Variants in MPND observed in about 807,000 individuals in gnomAD.
The protein encoded by MPND is MPN domain-containing protein.
In MPND, 56 loss-of-function variants were observed where a neutral mutation model predicts 59.2. The ratio of observed to expected loss-of-function variants is 0.95; its 90% confidence interval spans 0.76 to 1.18. The LOEUF (loss-of-function observed/expected upper bound fraction) is 1.18. Ranked by LOEUF, MPND falls within the 50% of genes most tolerant of loss-of-function variation. The pLI, the probability that MPND is intolerant of heterozygous loss-of-function variation, is 0.00. For synonymous variants in MPND, 323 were observed against 291.9 expected (o/e 1.11, Z -1.09); for missense variants, 671 against 676.0 (o/e 0.99, Z 0.08).
intron 8 of MPND, among the ~76,000 whole-genome samples, 162 bp downstream of exon 8, chr19:4,355,335 G>GCTT (rs1972413900): frequency 1.2e-5 from 1 of 84,196 alleles, no homozygotes; most frequent in African/African-American, 4.8e-5. Flanking sequence ...GAAGAACACT[G>GCTT]CTTTTTTTTT....
At chr19:4,359,029 GTGATC>G in intron 11 of MPND, 129 bp from the exon 12 acceptor site, 1 of 622,588 alleles carries the variant, frequency 1.6e-6, no homozygotes, top group Non-Finnish European at 2.9e-6. Context: ...AAGGTCACTC[GTGATC>G]TCTTTGTGGT....
intron 3 of MPND, among the ~76,000 whole-genome samples, chr19:4,352,321 T>C (rs1037322441): frequency 6.6e-6 from 1 of 152,224 alleles, no homozygotes; most frequent in Non-Finnish European, 1.5e-5. Context: ...ATGCTTAGCG[T>C]TCCAATAATG....
chr19:4,356,207 T>C (rs542512501), intron 8 of MPND, among the ~76,000 whole-genome samples: 1 of 151,918 alleles, frequency 6.6e-6, no homozygotes, highest in South Asian at 2.1e-4. Flanking sequence ...GCCAGCCCCC[T>C]CCCCTCTCAG....
intron 2 of MPND, among the ~76,000 whole-genome samples, 176 bp downstream of exon 2, chr19:4,344,170 C>T (rs1448388977): frequency 6.9e-6 from 1 of 145,884 alleles, no homozygotes; most frequent in Non-Finnish European, 1.5e-5. Flanking sequence ...CCCGGGGCTC[C>T]GTTGACTGCA....
At chr19:4,354,222 G>A in intron 5 of MPND, 93 bp downstream of exon 5, 1 of 1,506,268 alleles carries the variant, frequency 6.6e-7, no homozygotes, top group South Asian at 1.2e-5. Context: ...GGGTGGGACA[G>A]AGCCTCAGAT....
Position 4,360,028 on chromosome 19 carries a change from G to A in MPND, c.*26G>A. 2 of 1,544,140 alleles carry A rather than the reference G, an allele frequency of 1.3e-6. No homozygotes were observed. The highest frequency in any genetic ancestry group is 2.4e-5 in the South Asian group (2 of 83,922). On this transcript the variant is annotated 3_prime_UTR_variant, in exon 13 of 13. Transcript: ENST00000599840. ...GCCTTCCAGGGCAGGGTGGGCTCCA[G>A]TTGTCTTGAGGGTCCGGATGGGCTC...
Position 4,343,850 on chromosome 19 carries a change from C to A in MPND, c.150C>A (p.Ser50Arg). 8.4e-7 allele frequency: 1 copy of A among 1,192,828 alleles called. No individual in the cohort carries two copies. 73.9% of individuals were successfully genotyped at this position (1,192,828 alleles called of 1,614,324 possible). A position where few individuals can be genotyped will look rare whatever the true frequency, so the allele number is the denominator to read the frequency against. ...GTGGCGGCGGCGGCAGTAGCGTCAGCGGAGGAGGCGGCGGCGGCGGGGCCG... is the reference window on the plus strand; with the variant it reads ...GTGGCGGCGGCGGCAGTAGCGTCAGAGGAGGAGGCGGCGGCGGCGGGGCCG... ...GRSGGGGSSV[S>R]GGGGGGGAGA... The change falls in exon 2 of 13, where the codon AGC becomes AGA. Residue 50 changes from serine (S) to arginine (R), a missense_variant. Ser to Arg is a moderately radical substitution (Grantham distance 110, BLOSUM62 -1). Coordinates refer to ENST00000599840, the MANE Select transcript of MPND (RefSeq NM_001300862.2).
At chr19:4,355,336 C>T (rs866397461) in intron 8 of MPND, among the ~76,000 whole-genome samples, 163 bp downstream of exon 8, 3 of 124,454 alleles carry the variant, frequency 2.4e-5, no homozygotes, top group South Asian at 2.5e-4. Flanking sequence ...AAGAACACTG[C>T]TTTTTTTTTT....
At chr19:4,357,606 A>G in intron 10 of MPND, 21 bp downstream of exon 10, 1 of 1,597,904 alleles carries the variant, frequency 6.3e-7, no homozygotes, top group Non-Finnish European at 8.5e-7. Flanking sequence ...CTGTTGGGAG[A>G]GCCTGGGGGG....
chr19:4,344,489 G>A (rs1470914363), intron 2 of MPND, among the ~76,000 whole-genome samples: 1 of 152,168 alleles, frequency 6.6e-6, no homozygotes, highest in Non-Finnish European at 1.5e-5. Flanking sequence ...AGGCACAGAT[G>A]GGTCCTTCTG....
At chr19:4,354,255 G>A in intron 5 of MPND, 69 bp from the exon 6 acceptor site, 2 of 1,499,904 alleles carry the variant, frequency 1.3e-6, no homozygotes, top group Non-Finnish European at 1.8e-6. Flanking sequence ...GGGGTTGGGG[G>A]AGTCAGTGTG....
At position 4,343,611 on chromosome 19, in the gene MPND, CCCAG is replaced by C; in HGVS notation, c.7+13_7+16del. The stretch of plus-strand genomic sequence containing the variant: ...GCGCGGCCATGGCAGGTACGGCGGG[CCCAG>C]CGGGGCGGAGGCGCGGGGCGCGGGG... On this transcript the variant is annotated intron_variant, in intron 1 of 12. Coordinates refer to ENST00000599840, the MANE Select transcript of MPND (RefSeq NM_001300862.2). 8.3e-7 allele frequency: 1 copy of C among 1,206,124 alleles called. No homozygotes were observed. The highest frequency in any genetic ancestry group is 1.0e-6 in the Non-Finnish European group (1 of 968,936). The allele number at this position is 1,206,124 out of a possible 1,614,324, so 74.7% of individuals were successfully genotyped here.
rs772056393 is a variant in MPND, at chr19:4,357,402, C to T, written c.1146C>T (p.Pro382=). 5.6e-6 allele frequency: 9 copies of T among 1,612,568 alleles called. No individual in the cohort carries two copies. In the East Asian group the frequency reaches 1.1e-4, roughly 20 times the overall value. Reference sequence around the variant, plus strand: ...AGGGCTCCAGCAATGGCTTCCAGCCCTGCCTCGCCCTGCTCTGCTGTACGC... The same window carrying T: ...AGGGCTCCAGCAATGGCTTCCAGCCTTGCCTCGCCCTGCTCTGCTGTACGC... ...RLQGSSNGFQ[P]CLALLCSPYY... is the part of the protein sequence containing the mutation. The change falls in exon 9 of 13, where the codon CCC becomes CCT. Residue 382 remains proline, a synonymous_variant. Coordinates refer to ENST00000599840, the MANE Select transcript of MPND (RefSeq NM_001300862.2).
intron 4 of MPND, among the ~76,000 whole-genome samples, chr19:4,353,454 G>A (rs182793142): frequency 2.9e-4 from 44 of 152,244 alleles, no homozygotes; most frequent in African/African-American, 1.0e-3. Context: ...TTTTAGTAGA[G>A]ATGGAGTTTC....
intron 11 of MPND, chr19:4,358,461 C>A (rs1425535806): frequency 2.3e-6 from 1 of 438,326 alleles, no homozygotes. Context: ...ACTGGATGAA[C>A]ACTTAAAAAT....
chr19:4,346,229 A>G (rs192660837), intron 3 of MPND, among the ~76,000 whole-genome samples: 1 of 152,232 alleles, frequency 6.6e-6, no homozygotes, highest in East Asian at 1.9e-4. Context: ...TTCTAGAAGG[A>G]TGGAATGGCA....
intron 8 of MPND, among the ~76,000 whole-genome samples, chr19:4,356,092 T>C (rs1972433261): frequency 6.6e-6 from 1 of 151,510 alleles, no homozygotes; most frequent in Admixed American, 6.6e-5. Context: ...GACCTCGTGA[T>C]CCACCCGCGT....
chr19:4,354,408 G>T lies in MPND; in HGVS notation c.834G>T (p.Val278=). 6.4e-7 allele frequency: 1 copy of T among 1,556,216 alleles called. No individual in the cohort carries two copies. The highest frequency in any genetic ancestry group is 1.2e-5 in the South Asian group (1 of 84,406). ...QPFNVAVSSN[V]LFLLDFHSHL... ...TCAACGTGGCTGTTTCTAGCAACGT[G>T]CTGTTCCTGCTGGTGTGTGGCCCAC... The change falls in exon 6 of 13, where the codon GTG becomes GTT. Residue 278 remains valine (V), a synonymous_variant. Coordinates refer to ENST00000599840, the MANE Select transcript of MPND (RefSeq NM_001300862.2).
Position 4,357,382 on chromosome 19 carries a change from T to C in MPND, c.1126T>C (p.Ser376Pro). 6.2e-7 allele frequency: 1 copy of C among 1,612,932 alleles called. No homozygotes were observed. The highest frequency in any genetic ancestry group is 8.5e-7 in the Non-Finnish European group (1 of 1,179,956). ...QMDYQLRLQG[S>P]SNGFQPCLAL... ...GGACTACCAGCTGCGGCTGCAGGGC[T>C]CCAGCAATGGCTTCCAGCCCTGCCT... is the stretch of plus-strand genomic sequence containing the variant. The change falls in exon 9 of 13, where the codon TCC becomes CCC. Residue 376 changes from serine (S) to proline (P), a missense_variant. Coordinates refer to ENST00000599840, the MANE Select transcript of MPND (RefSeq NM_001300862.2).
Sources: gnomAD v4.1 joint callset for allele counts (sites outside exome capture counted in the v4.1 genomes callset) on GRCh38, gnomAD v4.1.1 for gene constraint, MANE v1.5 for transcripts, NCBI Gene and HGNC (gene_info 2026-07-23, HGNC 2026-07-21) for gene names.